Variants in AGPS observed in about 807,000 individuals in gnomAD.
The protein encoded by AGPS is alkyldihydroxyacetonephosphate synthase, peroxisomal.
AGPS carries 26 observed loss-of-function variants against 90.7 expected under a neutral mutation model. That is an observed-to-expected ratio of 0.29 (90% CI 0.21 to 0.40). AGPS has a LOEUF of 0.40. Among genes scored for constraint, AGPS ranks in the 10% least tolerant of loss-of-function variants. The probability of loss-of-function intolerance (pLI) is 1.00; values close to 1 mark genes in which losing one functional copy is unlikely to be tolerated. For missense variants in AGPS, 540 were observed against 816.1 expected, an observed-to-expected ratio of 0.66 and a Z score of 4.12; for synonymous variants, 294 against 285.3, an observed-to-expected ratio of 1.03 and a Z score of -0.31.
chr2:177,485,205 A>G (rs779020255), intron 11 of AGPS, among the ~76,000 whole-genome samples: 4 of 152,194 alleles, frequency 2.6e-5, no homozygotes, highest in Non-Finnish European at 5.9e-5. Context: ...TCTCCCCTCT[A>G]TAGAACACAG....
At chr2:177,506,973 A>G (rs1363251288) in intron 15 of AGPS, among the ~76,000 whole-genome samples, 1 of 152,096 alleles carries the variant, frequency 6.6e-6, no homozygotes, top group East Asian at 1.9e-4. Context: ...TGGAGTATCT[A>G]TCTTAATTTT....
chr2:177,474,518 C>G (rs1159994058), intron 10 of AGPS, among the ~76,000 whole-genome samples: 1 of 152,210 alleles, frequency 6.6e-6, no homozygotes, highest in East Asian at 1.9e-4. Context: ...TTCCAGTGCA[C>G]AGGCGGGCCC....
At chr2:177,413,202 G>A (rs369852639) in intron 1 of AGPS, among the ~76,000 whole-genome samples, 14 of 152,302 alleles carry the variant, frequency 9.2e-5, no homozygotes, top group Admixed American at 3.9e-4. Flanking sequence ...ACATTAAGCC[G>A]GTATGGATTT....
intron 17 of AGPS, among the ~76,000 whole-genome samples, chr2:177,517,345 A>G (rs1689047963): frequency 6.6e-6 from 1 of 152,190 alleles, no homozygotes; most frequent in Non-Finnish European, 1.5e-5. Flanking sequence ...ATTTGGTACA[A>G]TCATCCTATT....
intron 11 of AGPS, among the ~76,000 whole-genome samples, chr2:177,486,625 A>G (rs986501374): frequency 7.3e-5 from 11 of 150,366 alleles, no homozygotes; most frequent in Admixed American, 2.0e-4. Context: ...CATCTTTGCA[A>G]TATTTTCAGA....
At chr2:177,409,932 T>C (rs1050002815) in intron 1 of AGPS, among the ~76,000 whole-genome samples, 2 of 152,234 alleles carry the variant, frequency 1.3e-5, no homozygotes, top group Non-Finnish European at 2.9e-5. Context: ...ATCTGCTTGA[T>C]AGTTTTTAAA....
Position 177,392,854 on chromosome 2 carries a change from C to T in AGPS, c.65C>T (p.Ala22Val). Residue 22 changes from alanine to valine, a missense_variant, in exon 1 of 20, where the codon GCA becomes GTA. Physicochemically the swap from Ala to Val is moderately conservative, Grantham distance 64 (BLOSUM62 0). This residue lies in a region of AGPS where 135 missense variants were observed against 124.0 expected (regional missense o/e 1.09). Coordinates refer to ENST00000264167, the MANE Select transcript of AGPS (RefSeq NM_003659.4). ...GGCGCGGGCGCGAGCTACGGGTCTG[C>T]AGCGGACCGGGACCGGGACCCGGAC... ...GLGAGASYGS[A>V]ADRDRDPDPD... is the part of the protein sequence containing the mutation. The T allele has an allele frequency of 6.4e-7, 1 of 1,553,632 alleles. No individual in the cohort carries two copies. Among genetic ancestry groups the T allele is most frequent in the Non-Finnish European group, 8.7e-7 (1 of 1,153,546 alleles).
At chr2:177,396,640 GTAACAC>G (rs1685184300) in intron 1 of AGPS, among the ~76,000 whole-genome samples, 1 of 152,194 alleles carries the variant, frequency 6.6e-6, no homozygotes, top group African/African-American at 2.4e-5. Flanking sequence ...GGAGGCTGTT[GTAACAC>G]AATAGGCGAG....
chr2:177,523,181 G>T (rs1415896438), intron 18 of AGPS, among the ~76,000 whole-genome samples: 2 of 152,102 alleles, frequency 1.3e-5, no homozygotes, highest in Non-Finnish European at 2.9e-5. Context: ...TTTCTAATAG[G>T]TTTAATAAAG....
At chr2:177,479,605 A>G (rs994015912) in intron 10 of AGPS, among the ~76,000 whole-genome samples, 15 of 152,266 alleles carry the variant, frequency 9.9e-5, no homozygotes, top group Admixed American at 8.5e-4. Flanking sequence ...GTAATGAAAT[A>G]TTAATACATG....
At chr2:177,445,110 G>A (rs1279344735) in intron 7 of AGPS, among the ~76,000 whole-genome samples, 1 of 152,146 alleles carries the variant, frequency 6.6e-6, no homozygotes, top group African/African-American at 2.4e-5. Context: ...TGATTGCTAT[G>A]TTAACACAGT....
chr2:177,535,262 C>T (rs952720688), intron 19 of AGPS, among the ~76,000 whole-genome samples: 33 of 152,292 alleles, frequency 2.2e-4, no homozygotes, highest in African/African-American at 7.9e-4. Flanking sequence ...TTTTAGGCCA[C>T]CTGTTATTTG....
chr2:177,423,735 T>C (rs1377483168), intron 2 of AGPS, among the ~76,000 whole-genome samples: 1 of 152,230 alleles, frequency 6.6e-6, no homozygotes, highest in Non-Finnish European at 1.5e-5. Flanking sequence ...GAAGCTATTA[T>C]AGAATAACAG....
intron 19 of AGPS, among the ~76,000 whole-genome samples, chr2:177,537,080 A>C (rs2079191007): frequency 6.6e-6 from 1 of 152,168 alleles, no homozygotes; most frequent in Non-Finnish European, 1.5e-5. Flanking sequence ...TTAGTATGAT[A>C]ATAGGTTTTT....
intron 2 of AGPS, among the ~76,000 whole-genome samples, chr2:177,424,517 CAT>C (rs1686024778): frequency 1.3e-5 from 2 of 151,844 alleles, no homozygotes; most frequent in Admixed American, 6.6e-5. Flanking sequence ...TAGGAGAAAA[CAT>C]ATGGAAATGA....
chr2:177,418,229 G>A (rs967363476), intron 1 of AGPS, among the ~76,000 whole-genome samples: 1 of 152,034 alleles, frequency 6.6e-6, no homozygotes, highest in Admixed American at 6.5e-5. Flanking sequence ...GAAAATTTAA[G>A]GCCAAAGACT....
intron 14 of AGPS, 43 bp downstream of exon 14, chr2:177,499,773 C>A: frequency 7.8e-7 from 1 of 1,274,126 alleles, no homozygotes; most frequent in Non-Finnish European, 1.1e-6. Context: ...GAGTTAAAAG[C>A]TAAGATTCTA....
At chr2:177,445,826 G>C (rs980215909) in intron 8 of AGPS, among the ~76,000 whole-genome samples, 200 bp downstream of exon 8, 4 of 152,168 alleles carry the variant, frequency 2.6e-5, no homozygotes, top group African/African-American at 9.7e-5. Flanking sequence ...ACATGATAGT[G>C]AATAAGGCAT....
chr2:177,506,276 G>A (rs1419824987), intron 15 of AGPS, among the ~76,000 whole-genome samples: 2 of 150,918 alleles, frequency 1.3e-5, no homozygotes, highest in African/African-American at 4.9e-5. Flanking sequence ...ACTCTAAAAG[G>A]TCATTTTTTC....
Sources: gnomAD v4.1 joint callset for allele counts (sites outside exome capture counted in the v4.1 genomes callset) on GRCh38, gnomAD v4.1.1 for gene constraint, gnomAD v4.1.1 regional missense constraint, MANE v1.5 for transcripts, NCBI Gene and HGNC (gene_info 2026-07-23, HGNC 2026-07-21) for gene names.